The following SCMH1 variants were observed in gnomAD, a reference collection of about 807,000 sequenced individuals.
The protein encoded by SCMH1 is Scm polycomb group protein homolog 1.
In SCMH1, 37 loss-of-function variants were observed where a neutral mutation model predicts 70.8. That is an observed-to-expected ratio of 0.52 (90% CI 0.40 to 0.69). The LOEUF is 0.69. Ranked by LOEUF, SCMH1 falls within the 30% of genes least tolerant of loss-of-function variation. The pLI is 0.00. For synonymous variants in SCMH1, 292 were observed against 307.4 expected (o/e 0.95, Z 0.52); for missense variants, 607 against 827.3 (o/e 0.73, Z 3.27).
chr1:41,030,996 C>T (rs1348036656), intron 13 of SCMH1, among the ~76,000 whole-genome samples: 1 of 152,208 alleles, frequency 6.6e-6, no homozygotes, highest in African/African-American at 2.4e-5. Context: ...AGAGCTAACA[C>T]ACACCTGTAC....
intron 2 of SCMH1, among the ~76,000 whole-genome samples, chr1:41,182,375 C>A (rs1649042851): frequency 1.3e-5 from 2 of 152,038 alleles, no homozygotes; most frequent in Non-Finnish European, 2.9e-5. Context: ...AAAATCCATA[C>A]TCAATTATGC....
At chr1:41,214,313 C>T (rs1372354769) in intron 1 of SCMH1, among the ~76,000 whole-genome samples, 1 of 152,000 alleles carries the variant, frequency 6.6e-6, no homozygotes, top group African/African-American at 2.4e-5. Context: ...ATAATGAGAG[C>T]AATGTGAAAT....
intron 13 of SCMH1, among the ~76,000 whole-genome samples, chr1:41,035,109 G>A (rs752328207): frequency 6.6e-6 from 1 of 152,110 alleles, no homozygotes; most frequent in Non-Finnish European, 1.5e-5. Flanking sequence ...CAGCTCTCTT[G>A]GGACGTATGT....
intron 4 of SCMH1, among the ~76,000 whole-genome samples, chr1:41,160,133 C>T (rs1645895039): frequency 6.6e-6 from 1 of 151,908 alleles, no homozygotes; most frequent in African/African-American, 2.4e-5. Flanking sequence ...GAAAGAAAGG[C>T]AAGAGGAGGC....
At chr1:41,034,930 G>C (rs1252584430) in intron 13 of SCMH1, among the ~76,000 whole-genome samples, 1 of 152,112 alleles carries the variant, frequency 6.6e-6, no homozygotes, top group African/African-American at 2.4e-5. Context: ...CCCAACTCCT[G>C]CTCTAATCCT....
chr1:41,202,319 C>T (rs1364478767), intron 1 of SCMH1, among the ~76,000 whole-genome samples: 1 of 152,038 alleles, frequency 6.6e-6, no homozygotes, highest in Non-Finnish European at 1.5e-5. Context: ...CAGGCATGAG[C>T]CAACGTGCCC....
intron 2 of SCMH1, among the ~76,000 whole-genome samples, chr1:41,181,353 C>T (rs1041848153): frequency 9.2e-5 from 14 of 152,150 alleles, no homozygotes; most frequent in Admixed American, 9.2e-4. Flanking sequence ...CAAATGGGAT[C>T]TAATTAAACT....
At chr1:41,211,843 AG>A (rs1406092945) in intron 1 of SCMH1, among the ~76,000 whole-genome samples, 3 of 152,230 alleles carry the variant, frequency 2.0e-5, no homozygotes, top group Non-Finnish European at 4.4e-5. Context: ...GCCATAAAAA[AG>A]GGTGAGTTCA....
intron 2 of SCMH1, among the ~76,000 whole-genome samples, chr1:41,167,917 T>G (rs1441280114): frequency 1.3e-5 from 2 of 151,348 alleles, no homozygotes; most frequent in African/African-American, 2.4e-5. Context: ...GTTTTGTTTT[T>G]TTTTTTTTTT....
intron 2 of SCMH1, among the ~76,000 whole-genome samples, chr1:41,178,412 C>A (rs973948978): frequency 1.7e-4 from 26 of 152,086 alleles, no homozygotes; most frequent in Non-Finnish European, 1.9e-4. Flanking sequence ...TGTAAATGGG[C>A]TAAATGCTCC....
intron 12 of SCMH1, 72 bp downstream of exon 12, chr1:41,046,335 C>T: frequency 2.2e-6 from 3 of 1,372,098 alleles, no homozygotes; most frequent in South Asian, 2.5e-5. Context: ...TGAAGGCTGA[C>T]CCTGGGCCCC....
At chr1:41,083,131 T>C (rs990250545) in intron 8 of SCMH1, among the ~76,000 whole-genome samples, 6 of 152,118 alleles carry the variant, frequency 3.9e-5, no homozygotes, top group Admixed American at 1.3e-4. Context: ...CCAGGGCAAT[T>C]AGGCAGGAGA....
intron 8 of SCMH1, among the ~76,000 whole-genome samples, chr1:41,089,497 C>T (rs1662699456): frequency 6.6e-6 from 1 of 152,172 alleles, no homozygotes; most frequent in Non-Finnish European, 1.5e-5. Flanking sequence ...CTTCTTTGGC[C>T]TAAGCCACCA....
intron 1 of SCMH1, among the ~76,000 whole-genome samples, chr1:41,228,359 T>C (rs1660661446): frequency 6.6e-6 from 1 of 152,210 alleles, no homozygotes; most frequent in Non-Finnish European, 1.5e-5. Flanking sequence ...TGCGCAGCAA[T>C]GTGACTATAC....
intron 5 of SCMH1, among the ~76,000 whole-genome samples, chr1:41,150,314 C>A (rs1323391782): frequency 6.6e-6 from 1 of 152,008 alleles, no homozygotes; most frequent in Non-Finnish European, 1.5e-5. Flanking sequence ...ACCAGCCTGG[C>A]CAACATAATG....
intron 1 of SCMH1, among the ~76,000 whole-genome samples, chr1:41,237,994 G>A (rs971370942): frequency 6.6e-6 from 1 of 152,162 alleles, no homozygotes; most frequent in African/African-American, 2.4e-5. Context: ...TGTGGTATGT[G>A]TGTATATATT....
chr1:41,037,648 G>T, intron 12 of SCMH1, 107 bp from the exon 13 acceptor site: 1 of 1,002,238 alleles, frequency 1.0e-6, no homozygotes, highest in Non-Finnish European at 1.5e-6. Context: ...AAAGCCCTGG[G>T]CAGGGACTCA....
chr1:41,186,523 C>A (rs1225170984), intron 1 of SCMH1, among the ~76,000 whole-genome samples: 1 of 152,102 alleles, frequency 6.6e-6, no homozygotes, highest in Non-Finnish European at 1.5e-5. Context: ...TTCCAGCTAA[C>A]CAGGTTAAGC....
chr1:41,133,642 G>A (rs939211661), intron 6 of SCMH1, among the ~76,000 whole-genome samples: 5 of 152,018 alleles, frequency 3.3e-5, no homozygotes, highest in East Asian at 1.9e-4. Context: ...ACTACCATCA[G>A]AGAATACTAT....
Sources: allele counts gnomAD v4.1 joint callset (sites outside exome capture counted in the v4.1 genomes callset), GRCh38; gene constraint gnomAD v4.1.1; transcripts MANE v1.5; gene names NCBI Gene and HGNC (gene_info 2026-07-23, HGNC 2026-07-21).